OR1D2: variants seen among roughly 807,000 people sequenced by gnomAD.
OR1D2 encodes olfactory receptor family 1 subfamily D member 2.
For synonymous variants in OR1D2, 157 were observed against 153.9 expected, an observed-to-expected ratio of 1.02 and a Z score of -0.15; for missense variants, 357 against 376.1, an observed-to-expected ratio of 0.95 and a Z score of 0.42.
intron 1 of OR1D2, among the ~76,000 whole-genome samples, chr17:3,095,206 C>T (rs2047838113): frequency 6.6e-6 from 1 of 152,060 alleles, no homozygotes; most frequent in African/African-American, 2.4e-5. Flanking sequence ...CAAATAGACA[C>T]ATCATAGTAA....
Position 3,092,069 on chromosome 17 carries a change from T to A in OR1D2, c.928A>T (p.Arg310Trp), listed in dbSNP as rs752251814. 1.9e-5 allele frequency: 30 copies of A among 1,608,436 alleles called. No individual in the cohort carries two copies. Among genetic ancestry groups the A allele is most frequent in the Non-Finnish European group, 2.5e-5 (29 of 1,177,456 alleles). The change falls in exon 2 of 2, where the codon AGG (arginine) becomes TGG (tryptophan). Residue 310 changes from arginine to tryptophan, a missense_variant. Physicochemically the swap from Arg to Trp is moderately radical, Grantham distance 101 (BLOSUM62 -3). Transcript: ENST00000641833. ...TTTCCAAATTGCCCTCATGTCAGCC[T>A]CTTAAAGTGTTTATCTAGGAGTCTT... The part of the protein sequence containing the change: ...LGRLLDKHFK[R>W]LT
rs1460735941 is a variant in OR1D2 at position 3,091,476 on chromosome 17, A to G, written c.*582T>C. 1 of 152,466 alleles carries G rather than the reference A, an allele frequency of 6.6e-6. No individual in the cohort carries two copies. The highest frequency in any genetic ancestry group is 2.4e-5 in the African/African-American group (1 of 41,424). The allele number at this position is 152,466 out of a possible 1,614,324, so 9.4% of individuals were successfully genotyped here. On this transcript the variant is annotated 3_prime_UTR_variant, in exon 2 of 2. Coordinates refer to ENST00000641833, the MANE Select transcript of OR1D2 (RefSeq NM_002548.3). The stretch of plus-strand genomic sequence containing the variant: ...TTAGGTCCATTTATGTTTAATGTAA[A>G]TTTATGTACTTCCCCGAGTAGACTG...
chr17:3,092,405 CTG>C lies in OR1D2; in HGVS notation c.590_591del (p.Thr197SerfsTer36), dbSNP rs2047817053. On this transcript the variant is annotated frameshift_variant, in exon 2 of 2. Transcript: ENST00000641833. LOFTEE classifies it low-confidence loss of function (END_TRUNC). The part of the protein sequence containing the change: ...MACSNIQINH[T>X]VLIATGCFIF... ...ATGAAGCAGCCTGTGGCAATCAGCACTGTGTGATTAATCTGAATGTTGGAACA... is the reference window on the plus strand; with the variant it reads ...ATGAAGCAGCCTGTGGCAATCAGCACTGTGATTAATCTGAATGTTGGAACA... 1 of 1,614,160 alleles carries C rather than the reference CTG, an allele frequency of 6.2e-7. No homozygotes were observed. Among genetic ancestry groups the C allele is most frequent in the Non-Finnish European group, 8.5e-7 (1 of 1,180,034 alleles).
At position 3,092,922 on chromosome 17, in the gene OR1D2, C is replaced by A. The variant is rs770626037; in HGVS notation, c.75G>T (p.Arg25=). Reference sequence around the variant, plus strand: ...TGGACAGGAACATCCAAAACAGGATCCGCTGCTGCTCAGGACTCTCTGACA... The same window carrying A: ...TGGACAGGAACATCCAAAACAGGATACGCTGCTGCTCAGGACTCTCTGACA... ...LGMSESPEQQ[R]ILFWMFLSMY... The change falls in exon 2 of 2, where the codon CGG becomes CGT. Residue 25 remains arginine, a synonymous_variant. Coordinates refer to ENST00000641833, the MANE Select transcript of OR1D2 (RefSeq NM_002548.3). 6.2e-6 allele frequency: 10 copies of A among 1,613,902 alleles called. No individual in the cohort carries two copies. The East Asian group carries it at 2.2e-4, about 36-fold the overall frequency.
chr17:3,093,643 G>T (rs2047828480), intron 1 of OR1D2, among the ~76,000 whole-genome samples: 1 of 152,128 alleles, frequency 6.6e-6, no homozygotes, highest in African/African-American at 2.4e-5. Flanking sequence ...GAGTTGGTAG[G>T]CAATTAGCAC....
At position 3,092,559 on chromosome 17, in the gene OR1D2, G is replaced by A. The variant is rs1293971947; in HGVS notation, c.438C>T (p.Ser146=). The change falls in exon 2 of 2, where the codon TCC becomes TCT. Residue 146 remains serine (S), a synonymous_variant. Transcript: ENST00000641833. ...AGAGGACGGATAGGACCCAACACAA[G>A]GAAAGGAGTAAGATACAGAGCTTAG... ...MSPKLCILLL[S]LCWVLSVLYG... 6.2e-7 allele frequency: 1 copy of A among 1,614,058 alleles called. No homozygotes were observed. Among genetic ancestry groups the A allele is most frequent in the African/African-American group, 1.3e-5 (1 of 74,904 alleles).
intron 1 of OR1D2, among the ~76,000 whole-genome samples, chr17:3,103,602 T>C (rs972244507): frequency 2.0e-5 from 3 of 152,224 alleles, no homozygotes; most frequent in Non-Finnish European, 4.4e-5. Context: ...TCTGATGCTA[T>C]ACTTTGGGAA....
At position 3,103,804 on chromosome 17, in the gene OR1D2, T is replaced by C. The variant is rs1479403560; in HGVS notation, c.-51+295A>G. ...CCTCTTCTGTTACTTCCTAGCTGTA[T>C]GACCTTGAGTAGGGCCCACGACCTG... is the stretch of plus-strand genomic sequence containing the variant. On this transcript the variant is annotated intron_variant, in intron 1 of 1. Coordinates refer to ENST00000641833, the MANE Select transcript of OR1D2 (RefSeq NM_002548.3). 3.9e-5 allele frequency among the ~76,000 whole-genome samples: 6 copies of C among 152,096 alleles called. No homozygotes were observed. The East Asian group carries it at 7.7e-4, about 20-fold the overall frequency.
chr17:3,096,269 A>G (rs1397556553), intron 1 of OR1D2, among the ~76,000 whole-genome samples: 1 of 152,188 alleles, frequency 6.6e-6, no homozygotes, highest in Non-Finnish European at 1.5e-5. Context: ...GCATAGAACA[A>G]TTCAATCAAA....
chr17:3,092,866 A>G lies in OR1D2; in HGVS notation c.131T>C (p.Leu44Pro). 6.2e-7 allele frequency: 1 copy of G among 1,614,106 alleles called. No homozygotes were observed. ...ATCAGAGCTGATGGCCAGGATGATGAGCACATTTCCCACCACCGTGACCAG... is the reference window on the plus strand; with the variant it reads ...ATCAGAGCTGATGGCCAGGATGATGGGCACATTTCCCACCACCGTGACCAG... ...MYLVTVVGNV[L>P]IILAISSDSR... The change falls in exon 2 of 2, where the codon CTC becomes CCC. Residue 44 changes from leucine (L) to proline (P), a missense_variant. By Grantham distance (98) the Leu-to-Pro change is moderately conservative. Coordinates refer to ENST00000641833, the MANE Select transcript of OR1D2 (RefSeq NM_002548.3).
intron 1 of OR1D2, among the ~76,000 whole-genome samples, chr17:3,097,102 T>C (rs1338229342): frequency 6.6e-6 from 1 of 152,220 alleles, no homozygotes; most frequent in East Asian, 1.9e-4. Flanking sequence ...TTCATTTCCA[T>C]ATTGTGGAGG....
At chr17:3,098,493 C>A (rs1043060311) in intron 1 of OR1D2, among the ~76,000 whole-genome samples, 1 of 152,252 alleles carries the variant, frequency 6.6e-6, no homozygotes, top group Non-Finnish European at 1.5e-5. Context: ...GCAAAAAAGT[C>A]CTCACAAAAA....
At position 3,092,511 on chromosome 17, in the gene OR1D2, G is replaced by A. The variant is rs779161028; in HGVS notation, c.486C>T (p.Leu162=). The A allele has an allele frequency of 1.1e-5, 17 of 1,614,180 alleles. No individual in the cohort carries two copies. The South Asian group carries it at 1.9e-4, about 18-fold the overall frequency. ...ACCCACAGAAGGTCACTCTGGTCAT[G>A]AGGAGGGTGTGTATGAGGCCATAGA... is the stretch of plus-strand genomic sequence containing the variant. ...SVLYGLIHTL[L]MTRVTFCGSR... is the part of the protein sequence containing the mutation. Residue 162 remains leucine (L), a synonymous_variant, in exon 2 of 2, where the codon CTC becomes CTT. Coordinates refer to ENST00000641833, the MANE Select transcript of OR1D2 (RefSeq NM_002548.3).
chr17:3,091,861 C>T lies in OR1D2; in HGVS notation c.*197G>A. The T allele has an allele frequency of 3.7e-6, 2 of 535,432 alleles. No individual in the cohort carries two copies. Among genetic ancestry groups the T allele is most frequent in the Non-Finnish European group, 6.7e-6 (2 of 297,874 alleles). 33.2% of individuals were successfully genotyped at this position (535,432 alleles called of 1,614,324 possible). ...ATTCTAGTGTTGGTGTTAGTGTGAC[C>T]TTATTTACGGCCAAGGCTGATGAGA... On this transcript the variant is annotated 3_prime_UTR_variant, in exon 2 of 2. Transcript: ENST00000641833.
Position 3,090,166 on chromosome 17 carries a change from C to T in OR1D2, c.*1892G>A, listed in dbSNP as rs561866342. ...TTCTTCACTCTTTTTCCATTTGTTT[C>T]TCTTACTAGTACTTTCAAATGACCT... On this transcript the variant is annotated 3_prime_UTR_variant, in exon 2 of 2. Transcript: ENST00000641833. The T allele has an allele frequency of 2.0e-5, 3 of 152,270 alleles. No individual in the cohort carries two copies. The highest frequency in any genetic ancestry group is 2.1e-4 in the South Asian group (1 of 4,822). 9.4% of individuals were successfully genotyped at this position (152,270 alleles called of 1,614,324 possible).
chr17:3,102,639 C>G (rs774771082), intron 1 of OR1D2, among the ~76,000 whole-genome samples: 3 of 152,138 alleles, frequency 2.0e-5, no homozygotes, highest in Non-Finnish European at 4.4e-5. Context: ...AGCCCCCGTT[C>G]TGCCTCCAGA....
intron 1 of OR1D2, among the ~76,000 whole-genome samples, chr17:3,101,867 CCAA>C (rs2047876381): frequency 6.6e-6 from 1 of 152,222 alleles, no homozygotes; most frequent in Non-Finnish European, 1.5e-5. Context: ...TTCCTTTACA[CCAA>C]CAATAGACAA....
intron 1 of OR1D2, among the ~76,000 whole-genome samples, chr17:3,101,399 TAAAG>T (rs1356532765): frequency 1.3e-5 from 2 of 150,832 alleles, no homozygotes; most frequent in African/African-American, 4.9e-5. Context: ...ATCCATTACA[TAAAG>T]AAAACCAAAG....
chr17:3,098,192 C>T (rs573514602), intron 1 of OR1D2, among the ~76,000 whole-genome samples: 1 of 152,302 alleles, frequency 6.6e-6, no homozygotes, highest in African/African-American at 2.4e-5. Context: ...TTAAACGGAT[C>T]TTTTTCCCTG....
Sources: allele counts gnomAD v4.1 joint callset (sites outside exome capture counted in the v4.1 genomes callset), GRCh38; gene constraint gnomAD v4.1.1; transcripts MANE v1.5; gene names NCBI Gene and HGNC (gene_info 2026-07-23, HGNC 2026-07-21).